The following RPS6KA6 variants were observed in gnomAD, a reference collection of about 807,000 sequenced individuals.
RPS6KA6 encodes the protein ribosomal protein S6 kinase A6.
Under a neutral mutation model 65.4 loss-of-function variants are expected in RPS6KA6, and 27 were observed. The observed-to-expected ratio is 0.41, with a 90% CI of 0.30 to 0.57. The LOEUF is 0.57. Among genes scored for constraint, RPS6KA6 ranks in the 20% least tolerant of loss-of-function variants. RPS6KA6 has a pLI of 0.24. For missense variants in RPS6KA6, 486 were observed against 555.6 expected, an observed-to-expected ratio of 0.87 and a Z score of 1.26; for synonymous variants, 190 against 184.2, an observed-to-expected ratio of 1.03 and a Z score of -0.26.
At chrX:84,125,762 G>T (rs1274750724) in intron 8 of RPS6KA6, among the ~76,000 whole-genome samples, 1 of 110,744 alleles carries the variant, frequency 9.0e-6, no homozygotes, top group Admixed American at 9.6e-5. Flanking sequence ...GCTGAGGCAG[G>T]AGAATGGCGT....
At chrX:84,159,002 T>A (rs1200403823) in intron 2 of RPS6KA6, among the ~76,000 whole-genome samples, 3 of 111,625 alleles carry the variant, frequency 2.7e-5, no homozygotes, top group African/African-American at 9.8e-5. Context: ...TTTATAGTTA[T>A]ACAGATACAT....
chrX:84,109,307 C>G (rs2034424154), intron 12 of RPS6KA6, among the ~76,000 whole-genome samples: 1 of 111,683 alleles, frequency 9.0e-6, no homozygotes, highest in South Asian at 3.8e-4. Flanking sequence ...GCCTAGCCCC[C>G]CATAGGCCTG....
At chrX:84,125,995 G>A (rs1412683585) in intron 8 of RPS6KA6, among the ~76,000 whole-genome samples, 1 of 111,458 alleles carries the variant, frequency 9.0e-6, no homozygotes, top group Non-Finnish European at 1.9e-5. Context: ...GCATGAGTAA[G>A]TCCCGATTTA....
upstream of RPS6KA6, among the ~76,000 whole-genome samples, chrX:84,188,454 C>A (rs6616915): frequency 9.1e-6 from 1 of 109,458 alleles, no homozygotes; most frequent in Non-Finnish European, 1.9e-5. Context: ...GGCGACTGAA[C>A]AGTAGTAAAA....
chrX:84,153,208 A>G (rs1228962511), intron 3 of RPS6KA6, among the ~76,000 whole-genome samples: 2 of 111,949 alleles, frequency 1.8e-5, no homozygotes, highest in East Asian at 2.8e-4. Flanking sequence ...ATTTTCAAAA[A>G]TTCATTTTTA....
chrX:84,116,344 G>T, intron 11 of RPS6KA6, 57 bp from the exon 12 acceptor site: 1 of 647,620 alleles, frequency 1.5e-6, no homozygotes, highest in Non-Finnish European at 2.3e-6. Context: ...CTTGCTCCCT[G>T]GCTTCCAGAC....
rs1305128818 is a variant in RPS6KA6, at chrX:84,164,344, T to A, written c.125A>T (p.Glu42Val). The A allele has an allele frequency of 1.3e-5, 16 of 1,193,183 alleles. No homozygotes were observed. Among genetic ancestry groups the A allele is most frequent in the Non-Finnish European group, 1.8e-5 (16 of 880,667 alleles). ...KMVDEPMEEG[E>V]ADSCHDEGVV... ...AATACTTACATGACAAGAATCTGCT[T>A]CTCCCTCTTCCATTGGCTCATCAAC... Residue 42 changes from glutamate to valine, a missense_variant, in exon 2 of 22, where the codon GAA becomes GTA. Physicochemically the swap from Glu to Val is moderately radical, Grantham distance 121. Around this residue, in one of 3 missense-constraint regions of RPS6KA6, gnomAD observed 106 missense variants for 105.0 expected, o/e 1.01. Transcript: ENST00000262752.
upstream of RPS6KA6, among the ~76,000 whole-genome samples, chrX:84,188,428 C>G (rs1428383327): frequency 1.8e-5 from 2 of 109,999 alleles, no homozygotes; most frequent in Non-Finnish European, 3.8e-5. Context: ...GGGAGGGGGG[C>G]GTGCTGGGCT....
chrX:84,064,204 T>C lies in RPS6KA6; in HGVS notation c.*73A>G. The stretch of plus-strand genomic sequence containing the variant: ...AGTAATTTAGCAGACAACGATGCCT[T>C]TGATAAGAATAGGAAAAAAGCCACA... On this transcript the variant is annotated 3_prime_UTR_variant, in exon 22 of 22. Coordinates refer to ENST00000262752, the MANE Select transcript of RPS6KA6 (RefSeq NM_014496.5). The C allele has an allele frequency of 9.1e-7, 1 of 1,099,362 alleles. No homozygotes were observed. The highest frequency in any genetic ancestry group is 1.2e-6 in the Non-Finnish European group (1 of 817,209). The allele number at this position is 1,099,362 out of a possible 1,213,427, so 90.6% of individuals were successfully genotyped here. A position where few individuals can be genotyped will look rare whatever the true frequency, so the allele number is the denominator to read the frequency against.
At chrX:84,117,793 G>T (rs912546612) in intron 9 of RPS6KA6, among the ~76,000 whole-genome samples, 1 of 111,273 alleles carries the variant, frequency 9.0e-6, no homozygotes, top group South Asian at 3.7e-4. Context: ...CTTTTGAAGA[G>T]AATGTTTAAT....
intron 18 of RPS6KA6, among the ~76,000 whole-genome samples, chrX:84,098,922 C>A (rs182849060): frequency 2.7e-4 from 30 of 110,921 alleles, no homozygotes; most frequent in Non-Finnish European, 4.8e-4. Flanking sequence ...ATAGCTAAAC[C>A]ACTCATATCA....
In RPS6KA6 at chrX:84,174,902, G is replaced by A. The variant is rs1159309032; in HGVS notation, c.82-10515C>T. Among the ~76,000 whole-genome samples the A allele has an allele frequency of 2.7e-5, 3 of 111,336 alleles. No individual in the cohort carries two copies. The East Asian group carries it at 8.4e-4, about 31-fold the overall frequency. ...TTACAAAATGGAATGACTAAAATCT[G>A]GGATCTAAATGAATAAAATTTATAA... On this transcript the variant is annotated intron_variant, in intron 1 of 21. Coordinates refer to ENST00000262752, the MANE Select transcript of RPS6KA6 (RefSeq NM_014496.5).
chrX:84,156,296 T>C, intron 2 of RPS6KA6, 105 bp from the exon 3 acceptor site: 1 of 455,556 alleles, frequency 2.2e-6, no homozygotes, highest in South Asian at 3.9e-5. Context: ...TCCCTCAATG[T>C]AGCAGAGAGT....
intron 20 of RPS6KA6, among the ~76,000 whole-genome samples, chrX:84,065,553 T>A (rs1362592841): frequency 8.9e-6 from 1 of 111,977 alleles, no homozygotes; most frequent in South Asian, 3.7e-4. Flanking sequence ...TGGCTTACTA[T>A]ATAACATATT....
At chrX:84,144,694 C>T (rs1462238585) in intron 6 of RPS6KA6, among the ~76,000 whole-genome samples, 6 of 110,555 alleles carry the variant, frequency 5.4e-5, no homozygotes, top group South Asian at 3.8e-4. Context: ...CCATGAGAAA[C>T]GAAAACATAT....
intron 8 of RPS6KA6, among the ~76,000 whole-genome samples, chrX:84,131,655 T>C (rs374183810): frequency 5.4e-5 from 6 of 111,992 alleles, no homozygotes; most frequent in South Asian, 7.3e-4. Flanking sequence ...TATTTCTGAC[T>C]AAACTGTTAT....
At chrX:84,183,642 CAG>C (rs1320341526) in intron 1 of RPS6KA6, among the ~76,000 whole-genome samples, 1 of 111,622 alleles carries the variant, frequency 9.0e-6, no homozygotes. Context: ...ACAACAGTAT[CAG>C]ATTCTTCCTT....
chrX:84,151,208 T>C (rs1424708997), intron 3 of RPS6KA6, among the ~76,000 whole-genome samples: 1 of 91,140 alleles, frequency 1.1e-5, no homozygotes, highest in Non-Finnish European at 2.2e-5. Context: ...GATATAGATA[T>C]ATAGGATATA....
intron 20 of RPS6KA6, among the ~76,000 whole-genome samples, chrX:84,086,592 C>A (rs762722451): frequency 9.0e-6 from 1 of 110,520 alleles, no homozygotes; most frequent in Non-Finnish European, 1.9e-5. Flanking sequence ...ATTGCGTGAT[C>A]AATTTTAAAG....
Sources: allele counts gnomAD v4.1 joint callset (sites outside exome capture counted in the v4.1 genomes callset), GRCh38; gene constraint gnomAD v4.1.1; regional missense constraint gnomAD v4.1.1; transcripts MANE v1.5; gene names NCBI Gene and HGNC (gene_info 2026-07-23, HGNC 2026-07-21).